Variants in RANBP17 observed in about 807,000 individuals in gnomAD.
RANBP17 encodes RAN binding protein 17.
In RANBP17, 158 loss-of-function variants were observed where a neutral mutation model predicts 141.2. The observed-to-expected ratio is 1.12, with a 90% confidence interval of 0.98 to 1.28. The LOEUF (loss-of-function observed/expected upper bound fraction) is 1.28, where lower values mean the gene tolerates loss of function less well. RANBP17 is among the 50% of genes most tolerant of loss of function. The pLI is 0.00. For missense variants in RANBP17, 1,438 were observed against 1,290.7 expected, an observed-to-expected ratio of 1.11 and a Z score of -1.75; for synonymous variants, 430 against 450.0, an observed-to-expected ratio of 0.96 and a Z score of 0.56.
chr5:171,242,602 A>G lies in RANBP17; in HGVS notation c.2638-80A>G. The G allele has an allele frequency of 3.5e-6, 5 of 1,449,164 alleles. No homozygotes were observed. In the South Asian group the frequency reaches 6.1e-5, roughly 18 times the overall value. The allele number at this position is 1,449,164 out of a possible 1,614,324, so 89.8% of individuals were successfully genotyped here. On this transcript the variant is annotated intron_variant, in intron 23 of 27. Transcript: ENST00000523189. The stretch of plus-strand genomic sequence containing the variant: ...AAATAAGTTTACAATTTCCAGTATT[A>G]TAAATGACAATTTTCACTGGACTGT...
chr5:170,963,640 G>T (rs1397743634), intron 13 of RANBP17, among the ~76,000 whole-genome samples: 2 of 152,156 alleles, frequency 1.3e-5, no homozygotes, highest in African/African-American at 4.8e-5. Context: ...CGCATGCACA[G>T]TTCACAGTAG....
chr5:170,935,450 C>G (rs1280690539), intron 12 of RANBP17, among the ~76,000 whole-genome samples: 2 of 152,224 alleles, frequency 1.3e-5, no homozygotes, highest in South Asian at 4.1e-4. Flanking sequence ...TTTTATCTAC[C>G]TTTGGTCTTT....
chr5:171,143,519 C>A (rs1233551629), intron 14 of RANBP17: 7 of 152,170 alleles, frequency 4.6e-5, no homozygotes, highest in Non-Finnish European at 2.9e-5. Flanking sequence ...AAATTTTTTT[C>A]ACCATTTCCT....
At chr5:170,945,579 T>C (rs555590224) in intron 12 of RANBP17, among the ~76,000 whole-genome samples, 1 of 152,308 alleles carries the variant, frequency 6.6e-6, no homozygotes, top group Admixed American at 6.5e-5. Flanking sequence ...TGTGTTCTTA[T>C]TAGCTAAATT....
intron 14 of RANBP17, among the ~76,000 whole-genome samples, chr5:171,015,061 C>A (rs1780338305): frequency 6.6e-6 from 1 of 151,832 alleles, no homozygotes; most frequent in Non-Finnish European, 1.5e-5. Context: ...ATGTAATTTG[C>A]CTTTTTACTC....
Position 171,090,535 on chromosome 5 carries a change from C to G in RANBP17, c.1711-79595C>G, listed in dbSNP as rs181065726. On this transcript the variant is annotated intron_variant, in intron 14 of 27. Coordinates refer to ENST00000523189, the MANE Select transcript of RANBP17 (RefSeq NM_022897.5). Reference sequence around the variant, plus strand: ...CCCATTTTCTGAGAAGAAATTCAAGCTGGCTGCAGAAGTAAGGAGGAGCCG... The same window carrying G: ...CCCATTTTCTGAGAAGAAATTCAAGGTGGCTGCAGAAGTAAGGAGGAGCCG... 4.1e-3 allele frequency among the ~76,000 whole-genome samples: 621 copies of G among 152,256 alleles called. 2 individuals are homozygous for G. Among genetic ancestry groups the G allele is most frequent in the Middle Eastern group, 0.014 (4 of 294 alleles).
intron 25 of RANBP17, among the ~76,000 whole-genome samples, chr5:171,267,584 G>T (rs1358814027): frequency 1.3e-5 from 2 of 152,080 alleles, no homozygotes; most frequent in Non-Finnish European, 1.5e-5. Flanking sequence ...CAAGGCAGGT[G>T]GATCATGAGG....
chr5:171,144,836 C>T (rs960755421), intron 14 of RANBP17, among the ~76,000 whole-genome samples: 6 of 152,122 alleles, frequency 3.9e-5, no homozygotes, highest in African/African-American at 1.2e-4. Flanking sequence ...GACCATGGAG[C>T]GCTCTGCATT....
At chr5:171,072,439 A>G (rs1784683948) in intron 14 of RANBP17, among the ~76,000 whole-genome samples, 3 of 152,132 alleles carry the variant, frequency 2.0e-5, no homozygotes. Context: ...GGAAGAAAAC[A>G]AAAAAGCTAA....
rs145100123 is a variant in RANBP17, at chr5:171,180,423, A to G, written c.1866-2744A>G. The stretch of plus-strand genomic sequence containing the variant: ...TCTCAAGACTTCTAGTACTGTTGCT[A>G]CTGTTACTGTTACCACCATTACCAG... On this transcript the variant is annotated intron_variant, in intron 16 of 27. Transcript: ENST00000523189. Among the ~76,000 whole-genome samples the G allele has an allele frequency of 5.1e-3, 774 of 152,300 alleles. 5 individuals carry two copies. Among genetic ancestry groups the G allele is most frequent in the Non-Finnish European group, 9.0e-3 (610 of 68,020 alleles).
intron 13 of RANBP17, among the ~76,000 whole-genome samples, chr5:170,956,460 A>T (rs1291548560): frequency 6.6e-6 from 1 of 152,036 alleles, no homozygotes; most frequent in East Asian, 1.9e-4. Flanking sequence ...TCTAAGACTT[A>T]TTATTTTCTA....
In RANBP17 at chr5:171,186,526, CTTTTTTTTTTTT is replaced by C. The variant is rs757585137; in HGVS notation, c.2038+3113_2038+3124del. Reference sequence around the variant, plus strand: ...GAAATGTTATCACTGGTATGATTTTCTTTTTTTTTTTTTTTTTTTTTTTTTTTTGAGACGGAG... The same window carrying C: ...GAAATGTTATCACTGGTATGATTTTCTTTTTTTTTTTTTTTTGAGACGGAG... On this transcript the variant is annotated intron_variant, in intron 18 of 27. Coordinates refer to ENST00000523189, the MANE Select transcript of RANBP17 (RefSeq NM_022897.5). 1.7e-4 allele frequency among the ~76,000 whole-genome samples: 7 copies of C among 41,664 alleles called. No individual in the cohort carries two copies. In the East Asian group the frequency reaches 4.5e-3, roughly 27 times the overall value. The allele number at this position is 41,664 out of a possible 152,430, so 27.3% of individuals were successfully genotyped here.
intron 22 of RANBP17, among the ~76,000 whole-genome samples, chr5:171,237,446 A>G (rs1427227042): frequency 6.6e-6 from 1 of 152,128 alleles, no homozygotes; most frequent in Non-Finnish European, 1.5e-5. Flanking sequence ...ATTCCCCGTT[A>G]TTGCCTTTGG....
At chr5:171,063,868 G>A (rs528388443) in intron 14 of RANBP17, among the ~76,000 whole-genome samples, 30 of 152,346 alleles carry the variant, frequency 2.0e-4, no homozygotes, top group South Asian at 1.2e-3. Flanking sequence ...GGGCAATGGC[G>A]GGCGCCCCTC....
At chr5:171,244,713 C>T (rs752333044) in intron 24 of RANBP17, among the ~76,000 whole-genome samples, 12 of 152,190 alleles carry the variant, frequency 7.9e-5, no homozygotes, top group Non-Finnish European at 1.6e-4. Context: ...TCCCAAATCA[C>T]TGGGATTACA....
intron 5 of RANBP17, among the ~76,000 whole-genome samples, chr5:170,900,340 C>T (rs2112408): frequency 0.6 from 91,483 of 151,894 alleles, 29,268 homozygotes; most frequent in South Asian, 0.9. Context: ...TTTGTATTTC[C>T]GTGGGGTCAG....
At chr5:170,966,131 C>T (rs1383069214) in intron 13 of RANBP17, among the ~76,000 whole-genome samples, 1 of 151,944 alleles carries the variant, frequency 6.6e-6, no homozygotes, top group Admixed American at 6.6e-5. Flanking sequence ...GGAACTGGTA[C>T]CATTCCTTCT....
intron 11 of RANBP17, among the ~76,000 whole-genome samples, chr5:170,919,819 G>C (rs1011388236): frequency 2.6e-5 from 4 of 151,802 alleles, no homozygotes; most frequent in Non-Finnish European, 5.9e-5. Flanking sequence ...TTTTCAGTCA[G>C]CCCCTCTCCT....
At chr5:171,079,296 T>C (rs1376256955) in intron 14 of RANBP17, among the ~76,000 whole-genome samples, 1 of 152,160 alleles carries the variant, frequency 6.6e-6, no homozygotes, top group Non-Finnish European at 1.5e-5. Flanking sequence ...TTCTTATGAA[T>C]AAACAAATAA....
Sources: gnomAD v4.1 joint callset for allele counts (sites outside exome capture counted in the v4.1 genomes callset) on GRCh38, gnomAD v4.1.1 for gene constraint, MANE v1.5 for transcripts, NCBI Gene and HGNC (gene_info 2026-07-23, HGNC 2026-07-21) for gene names.